The following PAX5 variants were observed in gnomAD, a reference collection of about 807,000 sequenced individuals.
PAX5 encodes paired box 5, also known as paired box protein Pax-5.
In PAX5, 9 loss-of-function variants were observed where a neutral mutation model predicts 43.7. The observed-to-expected ratio is 0.21, with a 90% CI of 0.12 to 0.36. The LOEUF (loss-of-function observed/expected upper bound fraction) is 0.36, where lower values mean the gene tolerates loss of function less well. Ranked by LOEUF, PAX5 falls within the 10% of genes least tolerant of loss-of-function variation. The probability of loss-of-function intolerance (pLI) is 1.00; values close to 1 mark genes in which losing one functional copy is unlikely to be tolerated. For synonymous variants in PAX5, 228 were observed against 214.3 expected, an observed-to-expected ratio of 1.06 and a Z score of -0.56; for missense variants, 383 against 532.7, an observed-to-expected ratio of 0.72 and a Z score of 2.77.
intron 7 of PAX5, among the ~76,000 whole-genome samples, chr9:36,919,077 A>G (rs1434283564): frequency 6.6e-6 from 1 of 152,214 alleles, no homozygotes. Flanking sequence ...ATAGCTGGTG[A>G]CTTTAAGTTA....
At chr9:36,872,358 C>T (rs184829333) in intron 8 of PAX5, among the ~76,000 whole-genome samples, 7 of 152,292 alleles carry the variant, frequency 4.6e-5, no homozygotes, top group South Asian at 2.1e-4. Flanking sequence ...CCCTCCAGTT[C>T]GGTCAGGAGC....
chr9:37,001,964 G>A (rs1019857279), intron 5 of PAX5, among the ~76,000 whole-genome samples: 10 of 152,034 alleles, frequency 6.6e-5, no homozygotes, highest in Admixed American at 5.9e-4. Context: ...GTCCAGGATG[G>A]AGGTGGCTGG....
chr9:37,023,512 C>T (rs1564088022), intron 1 of PAX5, among the ~76,000 whole-genome samples: 1 of 152,068 alleles, frequency 6.6e-6, no homozygotes, highest in Non-Finnish European at 1.5e-5. Flanking sequence ...AAAGACAGAC[C>T]ACAGGACAGG....
At chr9:36,891,835 A>G (rs1827415797) in intron 7 of PAX5, among the ~76,000 whole-genome samples, 1 of 152,102 alleles carries the variant, frequency 6.6e-6, no homozygotes, top group Admixed American at 6.5e-5. Context: ...TCTAATCTGG[A>G]TTTGTAGAGC....
chr9:37,010,729 T>C (rs947259783), intron 3 of PAX5, among the ~76,000 whole-genome samples: 12 of 152,108 alleles, frequency 7.9e-5, no homozygotes, highest in Non-Finnish European at 1.5e-4. Flanking sequence ...TCTATGGCAC[T>C]GATCAAACTG....
At chr9:36,968,959 A>G (rs1834691164) in intron 5 of PAX5, among the ~76,000 whole-genome samples, 1 of 152,166 alleles carries the variant, frequency 6.6e-6, no homozygotes, top group South Asian at 2.1e-4. Context: ...ACCAGGAAAG[A>G]TGGCTCAGTT....
chr9:36,932,620 A>G lies in PAX5; in HGVS notation c.781-9136T>C, dbSNP rs79718882. On this transcript the variant is annotated intron_variant, in intron 6 of 9. Coordinates refer to ENST00000358127, the MANE Select transcript of PAX5 (RefSeq NM_016734.3). The stretch of plus-strand genomic sequence containing the variant: ...CATGAGGGATCTTTCTGGAGTGATG[A>G]AACGAGTCCAAAACCAAACTGTGGT... Among the ~76,000 whole-genome samples the G allele has an allele frequency of 8.2e-3, 1,255 of 152,356 alleles. 12 individuals are homozygous for G. Among genetic ancestry groups the G allele is most frequent in the Non-Finnish European group, 0.014 (948 of 68,026 alleles).
intron 5 of PAX5, among the ~76,000 whole-genome samples, chr9:36,969,153 C>T (rs10814490): frequency 0.57 from 85,681 of 151,578 alleles, 26,001 homozygotes; most frequent in East Asian, 0.78. Flanking sequence ...CCCTGCCAGC[C>T]GGGCCCAAAA....
At position 36,837,473 on chromosome 9, in the gene PAX5, G is replaced by T. The variant is rs1210899256; in HGVS notation, c.*3087C>A. The T allele has an allele frequency of 4.3e-6, 1 of 233,178 alleles. No homozygotes were observed. Among genetic ancestry groups the T allele is most frequent in the African/African-American group, 2.2e-5 (1 of 45,338 alleles). The allele number at this position is 233,178 out of a possible 1,614,324, so 14.4% of individuals were successfully genotyped here. Reference sequence around the variant, plus strand: ...TCGAACACAGGGAAGAAGGCCCATGGAGAAATGCCCCAGGCCTTCTGCCAC... The same window carrying T: ...TCGAACACAGGGAAGAAGGCCCATGTAGAAATGCCCCAGGCCTTCTGCCAC... On this transcript the variant is annotated 3_prime_UTR_variant, in exon 10 of 10. Coordinates refer to ENST00000358127, the MANE Select transcript of PAX5 (RefSeq NM_016734.3).
chr9:37,002,030 A>G (rs533233404), intron 5 of PAX5, among the ~76,000 whole-genome samples: 2 of 151,916 alleles, frequency 1.3e-5, no homozygotes, highest in African/African-American at 4.8e-5. Flanking sequence ...AGAAAAACCA[A>G]CCGGGAAGAT....
Position 37,015,136 on chromosome 9 carries a change from C to T in PAX5, c.271G>A (p.Ala91Thr), listed in dbSNP as rs1223489007. ...GVIGGSKPKV[A>T]TPKVVEKIAE... ...ATTTTTTCCACCACTTTGGGTGTGG[C>T]GACCTTTGGTTTGGATCCTCCAATT... The change falls in exon 3 of 10, where the codon GCC becomes ACC. Residue 91 changes from alanine (A) to threonine (T), a missense_variant. Ala to Thr is a moderately conservative substitution (Grantham distance 58, BLOSUM62 0). Around this residue, in one of 5 missense-constraint regions of PAX5, gnomAD observed 33 missense variants for 70.6 expected, o/e 0.47. Coordinates refer to ENST00000358127, the MANE Select transcript of PAX5 (RefSeq NM_016734.3). The surrounding 1 kb of genome is among the most constrained non-coding windows in gnomAD (Gnocchi z 4.4). The T allele has an allele frequency of 1.2e-6, 2 of 1,614,030 alleles. No homozygotes were observed. Among genetic ancestry groups the T allele is most frequent in the Non-Finnish European group, 1.7e-6 (2 of 1,180,018 alleles).
At chr9:37,032,326 T>C (rs1057326374) in intron 1 of PAX5, among the ~76,000 whole-genome samples, 3 of 152,102 alleles carry the variant, frequency 2.0e-5, no homozygotes, top group Admixed American at 2.0e-4. Context: ...GCAGACCCTC[T>C]CCATGACACT....
intron 8 of PAX5, among the ~76,000 whole-genome samples, chr9:36,865,046 C>A (rs1824732436): frequency 6.6e-6 from 1 of 152,202 alleles, no homozygotes; most frequent in African/African-American, 2.4e-5. Context: ...CGTTAACGAG[C>A]AAATTATGGT....
At chr9:36,923,085 T>C in intron 7 of PAX5, 1 of 400,578 alleles carries the variant, frequency 2.5e-6, no homozygotes. Context: ...CCCTCTGGCA[T>C]GAGGTTTCCT....
intron 7 of PAX5, among the ~76,000 whole-genome samples, chr9:36,918,980 C>A (rs1829930780): frequency 1.3e-5 from 2 of 152,210 alleles, no homozygotes; most frequent in South Asian, 4.1e-4. Context: ...AAGATGCCAT[C>A]TAGGACTTTC....
chr9:36,998,692 T>C (rs1277192903), intron 5 of PAX5, among the ~76,000 whole-genome samples: 1 of 152,252 alleles, frequency 6.6e-6, no homozygotes, highest in Non-Finnish European at 1.5e-5. Context: ...TGTAAAATAT[T>C]TGTCCCACTA....
intron 6 of PAX5, chr9:36,930,936 G>T: frequency 1.1e-6 from 1 of 890,444 alleles, no homozygotes; most frequent in Non-Finnish European, 1.6e-6. Flanking sequence ...TCATCAGCAC[G>T]GGGCACCACT....
intron 2 of PAX5, among the ~76,000 whole-genome samples, chr9:37,019,711 T>C (rs1409082907): frequency 6.6e-6 from 1 of 152,134 alleles, no homozygotes; most frequent in Non-Finnish European, 1.5e-5. Flanking sequence ...AAAGAAATAG[T>C]GAGAAAGCAC....
At chr9:36,931,690 A>G (rs1831136229) in intron 6 of PAX5, among the ~76,000 whole-genome samples, 1 of 151,932 alleles carries the variant, frequency 6.6e-6, no homozygotes, top group Admixed American at 6.6e-5. Flanking sequence ...CTCTACTATA[A>G]ATAAAAAAAT....
Sources: allele counts gnomAD v4.1 joint callset (sites outside exome capture counted in the v4.1 genomes callset), GRCh38; gene constraint gnomAD v4.1.1; regional missense constraint gnomAD v4.1.1; non-coding constraint Gnocchi (gnomAD v3.1); transcripts MANE v1.5; gene names NCBI Gene and HGNC (gene_info 2026-07-23, HGNC 2026-07-21).